TENM3: variants seen among roughly 807,000 people sequenced by gnomAD.
TENM3 encodes teneurin-3.
A neutral mutation model predicts 255.1 loss-of-function variants in TENM3; 63 were observed. That is an observed-to-expected ratio of 0.25 (90% CI 0.20 to 0.30). TENM3 has a LOEUF of 0.30. TENM3 is among the 10% of genes least tolerant of loss of function. TENM3 has a pLI of 1.00. For missense variants in TENM3, 2,929 were observed against 3,461.1 expected (o/e 0.85, Z 3.86); for synonymous variants, 1,306 against 1,322.3 (o/e 0.99, Z 0.27).
At chr4:182,363,299 A>G (rs944588200) in intron 3 of TENM3, among the ~76,000 whole-genome samples, 1 of 151,998 alleles carries the variant, frequency 6.6e-6, no homozygotes, top group African/African-American at 2.4e-5. Flanking sequence ...ATTCATATAG[A>G]TGTGTGTGTA....
intron 3 of TENM3, among the ~76,000 whole-genome samples, chr4:182,447,087 T>G (rs1460382775): frequency 6.6e-6 from 1 of 152,194 alleles, no homozygotes. Context: ...ATTTATACAG[T>G]GTCAAAGGAA....
At chr4:181,925,315 A>C in the TENM3 span, among the ~76,000 whole-genome samples, 21 of 152,246 alleles carry the variant, frequency 1.4e-4, no homozygotes, top group African/African-American at 4.3e-4. Context: ...CTTATAGGTT[A>C]TTGTAAATGC....
At chr4:182,538,213 A>C (rs114767111) in intron 3 of TENM3, among the ~76,000 whole-genome samples, 6,504 of 152,294 alleles carry the variant, frequency 0.043, 156 homozygotes, top group Middle Eastern at 0.061. Flanking sequence ...CAATGTTATT[A>C]ACAATTATTT....
In TENM3 at chr4:182,255,943, T is replaced by C. The variant is rs1450135290; in HGVS notation, c.-76+12467T>C. Among the ~76,000 whole-genome samples the C allele has an allele frequency of 3.9e-5, 6 of 152,242 alleles. 1 individual carries two copies. The highest frequency in any genetic ancestry group is 3.3e-4 in the Admixed American group (5 of 15,286). On this transcript the variant is annotated intron_variant, in intron 1 of 27. Transcript: ENST00000511685. ...CTTAAATCCTTCATGCATTCTTTCT[T>C]TGCTGTTCTTTGTACATCGTTCTGT...
the TENM3 span, among the ~76,000 whole-genome samples, chr4:182,007,174 C>A: frequency 2.0e-5 from 3 of 152,024 alleles, no homozygotes; most frequent in Non-Finnish European, 4.4e-5. Context: ...GAATAAGTGC[C>A]ATATGACACT....
chr4:182,262,316 G>A (rs1489252074), intron 1 of TENM3, among the ~76,000 whole-genome samples: 1 of 152,190 alleles, frequency 6.6e-6, no homozygotes, highest in Non-Finnish European at 1.5e-5. Context: ...GTCTTGAATA[G>A]GAGCTGGGCA....
At chr4:182,336,677 G>A (rs139451333) in intron 2 of TENM3, among the ~76,000 whole-genome samples, 11 of 152,178 alleles carry the variant, frequency 7.2e-5, no homozygotes, top group African/African-American at 2.4e-4. Flanking sequence ...AATTCAGGGT[G>A]AACTTCAGAT....
rs1761345715 is a variant in TENM3, at chr4:182,738,521, A to G, written c.3356A>G (p.His1119Arg). Residue 1119 changes from histidine to arginine, a missense_variant, in exon 18 of 28, where the codon CAT (histidine) becomes CGT (arginine). Physicochemically the swap from His to Arg is conservative, Grantham distance 29. This residue lies in a region of TENM3 where 1,608 missense variants were observed against 1,884.4 expected (regional missense o/e 0.85). Transcript: ENST00000511685. ...ATGGGTGGCTGGACATTAGATAAAC[A>G]TCACGTGCTGGATGTACAGAACGGT... ...SNMGGWTLDK[H>R]HVLDVQNGIL... 1 of 1,613,136 alleles carries G rather than the reference A, an allele frequency of 6.2e-7. No individual in the cohort carries two copies. Among genetic ancestry groups the G allele is most frequent in the African/African-American group, 1.3e-5 (1 of 74,980 alleles).
At chr4:182,085,227 C>T in the TENM3 span, 1 of 152,128 alleles carries the variant, frequency 6.6e-6, no homozygotes, top group East Asian at 1.9e-4. Flanking sequence ...TTTTGTAAAA[C>T]TGAGAACTCC....
At chr4:182,118,596 T>A in the TENM3 span, among the ~76,000 whole-genome samples, 5 of 53,514 alleles carry the variant, frequency 9.3e-5, no homozygotes, top group Non-Finnish European at 1.4e-4. Context: ...CCCCTCCACC[T>A]TTTTTTGTAG....
the TENM3 span, among the ~76,000 whole-genome samples, chr4:181,620,771 G>A: frequency 3.3e-5 from 5 of 151,928 alleles, no homozygotes; most frequent in African/African-American, 4.8e-5. Context: ...TACCTAAATT[G>A]CAGGAATTAA....
At chr4:182,506,916 A>G (rs1373334809) in intron 3 of TENM3, among the ~76,000 whole-genome samples, 1 of 152,184 alleles carries the variant, frequency 6.6e-6, no homozygotes, top group Admixed American at 6.5e-5. Context: ...ATAGTAGTGA[A>G]TATAAGCATG....
At chr4:182,543,216 G>GGGATGCAT (rs144128791) in intron 3 of TENM3, among the ~76,000 whole-genome samples, 1 of 151,366 alleles carries the variant, frequency 6.6e-6, no homozygotes, top group Admixed American at 6.6e-5. Flanking sequence ...CAAGGATGGA[G>GGGATGCAT]GGATGCATGG....
At chr4:181,566,991 C>T in the TENM3 span, among the ~76,000 whole-genome samples, 1 of 152,182 alleles carries the variant, frequency 6.6e-6, no homozygotes, top group Non-Finnish European at 1.5e-5. Context: ...GGGTTCTGGC[C>T]TCCCAGAGCT....
At chr4:182,533,513 T>C (rs909491315) in intron 3 of TENM3, among the ~76,000 whole-genome samples, 1 of 143,582 alleles carries the variant, frequency 7.0e-6, no homozygotes, top group Non-Finnish European at 1.5e-5. Flanking sequence ...CACTCCTGCC[T>C]GGGCAATAGA....
the TENM3 span, among the ~76,000 whole-genome samples, chr4:182,036,269 C>A: frequency 6.6e-6 from 1 of 152,132 alleles, no homozygotes; most frequent in Non-Finnish European, 1.5e-5. Context: ...CTGCTTACTG[C>A]AACCTCCACC....
chr4:181,860,416 C>T, the TENM3 span, among the ~76,000 whole-genome samples: 2 of 152,120 alleles, frequency 1.3e-5, no homozygotes, highest in African/African-American at 4.8e-5. Context: ...TTCTAACGCT[C>T]CTTCGCCAAG....
chr4:181,959,014 AGAATCAGAGCATT>A, the TENM3 span, among the ~76,000 whole-genome samples: 1 of 152,222 alleles, frequency 6.6e-6, no homozygotes, highest in Non-Finnish European at 1.5e-5. Flanking sequence ...CTTGAGGTGA[AGAATCAGAGCATT>A]GAATGGTTTT....
chr4:182,138,631 C>T, the TENM3 span, among the ~76,000 whole-genome samples: 1 of 152,132 alleles, frequency 6.6e-6, no homozygotes, highest in Non-Finnish European at 1.5e-5. Flanking sequence ...CACTAAAAAT[C>T]CAAAGGGAAT....
Sources: gnomAD v4.1 joint callset for allele counts (sites outside exome capture counted in the v4.1 genomes callset) on GRCh38, gnomAD v4.1.1 for gene constraint, gnomAD v4.1.1 regional missense constraint, MANE v1.5 for transcripts, NCBI Gene and HGNC (gene_info 2026-07-23, HGNC 2026-07-21) for gene names.